Variants in RAI14 observed in about 807,000 individuals in gnomAD.
RAI14 encodes retinoic acid induced 14, also known as ankycorbin.
RAI14 carries 45 observed loss-of-function variants against 115.4 expected under a neutral mutation model. That is an observed-to-expected ratio of 0.39 (90% CI 0.31 to 0.50). The LOEUF (loss-of-function observed/expected upper bound fraction) is 0.50. Ranked by LOEUF, RAI14 falls within the 20% of genes least tolerant of loss-of-function variation. RAI14 has a pLI of 0.85. For missense variants in RAI14, 939 were observed against 1,131.2 expected (o/e 0.83, Z 2.44); for synonymous variants, 371 against 415.4 (o/e 0.89, Z 1.30).
At chr5:34,749,743 G>A (rs562372285) in intron 2 of RAI14, among the ~76,000 whole-genome samples, 2 of 152,234 alleles carry the variant, frequency 1.3e-5, no homozygotes, top group East Asian at 1.9e-4. Context: ...CCCACATGCC[G>A]CCCTTCATAG....
At chr5:34,807,522 G>A (rs1755064948) in intron 5 of RAI14, among the ~76,000 whole-genome samples, 1 of 152,016 alleles carries the variant, frequency 6.6e-6, no homozygotes, top group Non-Finnish European at 1.5e-5. Flanking sequence ...AGATGAGAGA[G>A]CCTAGAGTAT....
At chr5:34,806,888 C>CTA (rs1327939540) in intron 5 of RAI14, among the ~76,000 whole-genome samples, 1 of 152,210 alleles carries the variant, frequency 6.6e-6, no homozygotes. Context: ...CCCAGCCTGT[C>CTA]TGAGTTTGAA....
At chr5:34,807,980 C>A in intron 6 of RAI14, 123 bp downstream of exon 6, 1 of 805,114 alleles carries the variant, frequency 1.2e-6, no homozygotes, top group Middle Eastern at 2.3e-4. Context: ...CATTTCTAAA[C>A]ATTCCCATTT....
chr5:34,807,026 T>C (rs928354488), intron 5 of RAI14, among the ~76,000 whole-genome samples: 1 of 152,196 alleles, frequency 6.6e-6, no homozygotes, highest in African/African-American at 2.4e-5. Context: ...AGCAGTTCTT[T>C]GAACAGTGCC....
At chr5:34,694,380 T>A (rs34204717) in intron 2 of RAI14, among the ~76,000 whole-genome samples, 15,637 of 152,172 alleles carry the variant, frequency 0.1, 2,493 homozygotes, top group African/African-American at 0.35. Flanking sequence ...GTGGAGGTGG[T>A]TATTTTCAAC....
intron 2 of RAI14, among the ~76,000 whole-genome samples, chr5:34,754,296 T>A (rs998466905): frequency 6.6e-6 from 1 of 152,164 alleles, no homozygotes; most frequent in Non-Finnish European, 1.5e-5. Context: ...TAGACAACTC[T>A]GCTATTTGAT....
rs550675379 is a variant in RAI14 at position 34,829,870 on chromosome 5, C to T, written c.2865+73C>T. ...CAGCAGATGTTGACAGAACTCCCAT[C>T]ATTTAACTAGGAGAATGAACAAGAA... On this transcript the variant is annotated intron_variant, in intron 17 of 17. Transcript: ENST00000265109. 4.2e-5 allele frequency: 51 copies of T among 1,211,596 alleles called. 2 individuals carry two copies. In the South Asian group the frequency reaches 6.8e-4, roughly 16 times the overall value. 75.1% of individuals were successfully genotyped at this position (1,211,596 alleles called of 1,614,324 possible). A position where few individuals can be genotyped will look rare whatever the true frequency, so the allele number is the denominator to read the frequency against.
At chr5:34,675,549 G>C (rs1743918422) in intron 1 of RAI14, among the ~76,000 whole-genome samples, 1 of 152,176 alleles carries the variant, frequency 6.6e-6, no homozygotes, top group South Asian at 2.1e-4. Flanking sequence ...GGCCAGCAGT[G>C]CAAGACCAGC....
chr5:34,824,256 C>G lies in RAI14; in HGVS notation c.2414C>G (p.Ser805Trp), dbSNP rs576334657. 5.0e-6 allele frequency: 8 copies of G among 1,613,942 alleles called. No homozygotes were observed. Among genetic ancestry groups the G allele is most frequent in the Non-Finnish European group, 6.8e-6 (8 of 1,179,982 alleles). ...GAGAGTGAAGTGAGTGTGTTGGCAT[C>G]GAAATTAAAGGAATCTGTGAAAGAG... ...SLESEVSVLASKLKESVKEKE... is the reference protein window; with the variant it reads ...SLESEVSVLAWKLKESVKEKE... The change falls in exon 15 of 18, where the codon TCG becomes TGG. Residue 805 changes from serine to tryptophan, a missense_variant. By Grantham distance (177) the Ser-to-Trp change is radical. Coordinates refer to ENST00000265109, the MANE Select transcript of RAI14 (RefSeq NM_015577.3).
chr5:34,824,810 G>T (rs1239774985), intron 15 of RAI14, among the ~76,000 whole-genome samples: 2 of 152,054 alleles, frequency 1.3e-5, no homozygotes, highest in Non-Finnish European at 2.9e-5. Context: ...TGGGCGTGGT[G>T]GCACACGCCT....
intron 3 of RAI14, among the ~76,000 whole-genome samples, chr5:34,779,797 A>T (rs986228963): frequency 3.9e-5 from 6 of 152,212 alleles, no homozygotes; most frequent in African/African-American, 1.2e-4. Context: ...ATACTGCCCA[A>T]GGTAATTTAT....
At chr5:34,742,795 C>G (rs982937108) in intron 2 of RAI14, among the ~76,000 whole-genome samples, 4 of 152,106 alleles carry the variant, frequency 2.6e-5, no homozygotes, top group Admixed American at 1.3e-4. Flanking sequence ...TCCTGAGTAG[C>G]TGGGATTACA....
chr5:34,666,910 G>T (rs1469651244), intron 1 of RAI14, among the ~76,000 whole-genome samples: 1 of 152,202 alleles, frequency 6.6e-6, no homozygotes, highest in Non-Finnish European at 1.5e-5. Flanking sequence ...TGCCCTCGGG[G>T]ACTTAAGAGT....
intron 5 of RAI14, among the ~76,000 whole-genome samples, chr5:34,807,193 G>C (rs914352817): frequency 6.6e-6 from 1 of 152,166 alleles, no homozygotes; most frequent in African/African-American, 2.4e-5. Flanking sequence ...AGAACACTGA[G>C]GAGCCCTGAG....
chr5:34,756,597 G>A lies in RAI14; in HGVS notation c.37-871G>A, dbSNP rs189531382. ...CCCCTCTTTCCCTCATTAATCCCAC[G>A]TGCTTCAACACCTCCCAATGACTCT... On this transcript the variant is annotated intron_variant, in intron 2 of 17. Transcript: ENST00000265109. 1.2e-3 allele frequency among the ~76,000 whole-genome samples: 182 copies of A among 152,154 alleles called. 2 individuals carry two copies. Among genetic ancestry groups the A allele is most frequent in the African/African-American group, 3.7e-3 (154 of 41,510 alleles).
intron 3 of RAI14, 35 bp from the exon 4 acceptor site, chr5:34,795,904 A>G: frequency 6.4e-7 from 1 of 1,555,132 alleles, no homozygotes; most frequent in Non-Finnish European, 8.9e-7. Context: ...AAAGAGTAGA[A>G]ATCTCAAGGA....
chr5:34,757,401 G>A (rs1184797979), intron 2 of RAI14, 67 bp from the exon 3 acceptor site: 9 of 1,577,532 alleles, frequency 5.7e-6, no homozygotes, highest in Non-Finnish European at 7.8e-6. Flanking sequence ...GAGGACTGCA[G>A]CCCTGCTGGT....
chr5:34,728,862 C>T (rs957388329), intron 2 of RAI14, among the ~76,000 whole-genome samples: 3 of 151,976 alleles, frequency 2.0e-5, no homozygotes, highest in African/African-American at 4.8e-5. Context: ...TTTAAGGCTG[C>T]AGTGAGCCAT....
At chr5:34,669,224 A>G (rs771756839) in intron 1 of RAI14, among the ~76,000 whole-genome samples, 24 of 152,194 alleles carry the variant, frequency 1.6e-4, no homozygotes, top group Non-Finnish European at 3.1e-4. Context: ...TCCTTTTGCA[A>G]CTGCTTTTCT....
Sources: allele counts gnomAD v4.1 joint callset (sites outside exome capture counted in the v4.1 genomes callset), GRCh38; gene constraint gnomAD v4.1.1; transcripts MANE v1.5; gene names NCBI Gene and HGNC (gene_info 2026-07-23, HGNC 2026-07-21).